The following FTO variants were observed in gnomAD, a reference collection of about 807,000 sequenced individuals.
FTO encodes the protein FTO alpha-ketoglutarate dependent dioxygenase.
In FTO, 47 loss-of-function variants were observed where a neutral mutation model predicts 63.9. That is an observed-to-expected ratio of 0.74 (90% CI 0.58 to 0.94). The LOEUF (loss-of-function observed/expected upper bound fraction) is 0.94, where lower values mean the gene tolerates loss of function less well. Among genes scored for constraint, FTO ranks in the 40% least tolerant of loss-of-function variants. The probability of loss-of-function intolerance (pLI) is 0.00; values close to 1 mark genes in which losing one functional copy is unlikely to be tolerated. For missense variants in FTO, 562 were observed against 618.1 expected (o/e 0.91, Z 0.96); for synonymous variants, 207 against 224.4 (o/e 0.92, Z 0.69).
chr16:54,093,967 T>C (rs2665271), intron 8 of FTO, among the ~76,000 whole-genome samples: 75,417 of 151,842 alleles, frequency 0.5, 19,179 homozygotes, highest in African/African-American at 0.58. Flanking sequence ...GCTGTCTCAG[T>C]TTGACAGATG....
intron 8 of FTO, among the ~76,000 whole-genome samples, chr16:53,974,681 T>C (rs1330402793): frequency 1.3e-5 from 2 of 151,254 alleles, no homozygotes; most frequent in Admixed American, 1.3e-4. Context: ...GGAGTCGTAA[T>C]GCTCCCAGCC....
chr16:54,074,660 C>T (rs2085943411), intron 8 of FTO, among the ~76,000 whole-genome samples: 1 of 151,554 alleles, frequency 6.6e-6, no homozygotes, highest in African/African-American at 2.4e-5. Context: ...TATTTTTTTC[C>T]CTATCATATA....
At chr16:53,884,765 C>T (rs1021214236) in intron 6 of FTO, among the ~76,000 whole-genome samples, 2 of 152,188 alleles carry the variant, frequency 1.3e-5, no homozygotes, top group African/African-American at 4.8e-5. Flanking sequence ...TGGGTTGATT[C>T]CATTTCTTTC....
chr16:53,857,660 T>TC (rs1283999613), intron 4 of FTO, among the ~76,000 whole-genome samples: 1 of 151,988 alleles, frequency 6.6e-6, no homozygotes, highest in Non-Finnish European at 1.5e-5. Flanking sequence ...TCATTCTCCT[T>TC]CCCCCACACA....
chr16:53,752,102 C>G (rs1339369218), intron 1 of FTO, among the ~76,000 whole-genome samples: 1 of 152,190 alleles, frequency 6.6e-6, no homozygotes, highest in African/African-American at 2.4e-5. Flanking sequence ...CACGAGCAAT[C>G]TAAGTATCCA....
In FTO at chr16:54,120,103, T is replaced by C. The variant is rs2086995300; in HGVS notation, c.*8188T>C. On this transcript the variant is annotated 3_prime_UTR_variant, in exon 9 of 9. Transcript: ENST00000471389. ...TGAAAGGCGGTGGGAGAAATTGTTC[T>C]GAAAGCATGAAGCCCAGCTGAGGCC... The C allele has an allele frequency of 6.6e-6, 1 of 152,286 alleles. No individual in the cohort carries two copies. The highest frequency in any genetic ancestry group is 1.5e-5 in the Non-Finnish European group (1 of 68,078). The allele number at this position is 152,286 out of a possible 1,614,324, so 9.4% of individuals were successfully genotyped here.
intron 1 of FTO, among the ~76,000 whole-genome samples, chr16:53,796,291 G>C (rs538784297): frequency 1.5e-4 from 23 of 152,182 alleles, no homozygotes; most frequent in African/African-American, 4.8e-4. Context: ...TGATCGGCCC[G>C]CATTGGCCTC....
chr16:53,883,646 A>AC (rs758841989), intron 6 of FTO, among the ~76,000 whole-genome samples: 12,933 of 133,772 alleles, frequency 0.097, 1,019 homozygotes, highest in South Asian at 0.18. Context: ...CAAAAAAAAA[A>AC]AAACAAATTT....
intron 6 of FTO, among the ~76,000 whole-genome samples, chr16:53,880,730 A>G (rs553917173): frequency 2.0e-5 from 3 of 152,196 alleles, no homozygotes; most frequent in South Asian, 4.2e-4. Flanking sequence ...ATGAAAGCAG[A>G]GCTTCGTGAT....
chr16:53,781,429 A>C (rs963027226), intron 1 of FTO, among the ~76,000 whole-genome samples: 2 of 152,234 alleles, frequency 1.3e-5, no homozygotes, highest in Non-Finnish European at 2.9e-5. Context: ...CAGAGCCAAG[A>C]GTTAGGCCAC....
chr16:53,753,263 A>C (rs544323007), intron 1 of FTO, among the ~76,000 whole-genome samples: 9 of 151,912 alleles, frequency 5.9e-5, no homozygotes, highest in Non-Finnish European at 1.0e-4. Flanking sequence ...AAAAAAAAAA[A>C]AAAAACAAAA....
In FTO at chr16:54,113,066, G is replaced by T. The variant is rs565603792; in HGVS notation, c.*1151G>T. On this transcript the variant is annotated 3_prime_UTR_variant, in exon 9 of 9. Transcript: ENST00000471389. Reference sequence around the variant, plus strand: ...ACCAGTCCTAAGGTGAACATTAAGTGAGATGATTCTAGTTACAGACTTAGA... The same window carrying T: ...ACCAGTCCTAAGGTGAACATTAAGTTAGATGATTCTAGTTACAGACTTAGA... The T allele has an allele frequency of 6.6e-6, 1 of 152,310 alleles. No individual in the cohort carries two copies. The highest frequency in any genetic ancestry group is 2.1e-4 in the South Asian group (1 of 4,816). 9.4% of individuals were successfully genotyped at this position (152,310 alleles called of 1,614,324 possible).
intron 4 of FTO, among the ~76,000 whole-genome samples, chr16:53,856,760 A>AG (rs2080011864): frequency 6.6e-6 from 1 of 152,016 alleles, no homozygotes. Flanking sequence ...AAAAAAAAAA[A>AG]CAAGCATGGA....
intron 8 of FTO, among the ~76,000 whole-genome samples, chr16:53,951,400 C>A (rs1264487407): frequency 6.6e-6 from 1 of 152,082 alleles, no homozygotes; most frequent in African/African-American, 2.4e-5. Flanking sequence ...TGTGTATTGT[C>A]CATGTGGATA....
chr16:53,867,183 A>G (rs1220084293), intron 4 of FTO, among the ~76,000 whole-genome samples: 1 of 152,078 alleles, frequency 6.6e-6, no homozygotes, highest in Non-Finnish European at 1.5e-5. Context: ...GAATTTTCCA[A>G]CTATCTTTCT....
At chr16:53,932,321 G>T (rs2082303287) in intron 7 of FTO, among the ~76,000 whole-genome samples, 1 of 151,864 alleles carries the variant, frequency 6.6e-6, no homozygotes, top group Non-Finnish European at 1.5e-5. Context: ...CACAATGGAG[G>T]TACTATTTTC....
At chr16:53,765,463 G>A (rs879399013) in intron 1 of FTO, among the ~76,000 whole-genome samples, 6 of 151,214 alleles carry the variant, frequency 4.0e-5, no homozygotes, top group Non-Finnish European at 7.4e-5. Flanking sequence ...GCTGAAGCAG[G>A]AGAATCGCTT....
chr16:53,972,280 T>C (rs1431812816), intron 8 of FTO, among the ~76,000 whole-genome samples: 1 of 152,186 alleles, frequency 6.6e-6, no homozygotes, highest in Admixed American at 6.5e-5. Flanking sequence ...CCAGTACTTG[T>C]ATTGGAAAGT....
chr16:53,861,104 T>A (rs2151853984), intron 4 of FTO, among the ~76,000 whole-genome samples: 1 of 152,334 alleles, frequency 6.6e-6, no homozygotes, highest in East Asian at 1.9e-4. Context: ...TTCAAGTTTT[T>A]TGATATTATA....
Sources: gnomAD v4.1 joint callset for allele counts (sites outside exome capture counted in the v4.1 genomes callset) on GRCh38, gnomAD v4.1.1 for gene constraint, MANE v1.5 for transcripts, NCBI Gene and HGNC (gene_info 2026-07-23, HGNC 2026-07-21) for gene names.